The following DLGAP1 variants were observed in gnomAD, a reference collection of about 807,000 sequenced individuals.
DLGAP1 encodes the protein DLG associated protein 1.
Under a neutral mutation model 90.8 loss-of-function variants are expected in DLGAP1, and 11 were observed. The ratio of observed to expected loss-of-function variants is 0.12; its 90% CI spans 0.08 to 0.20. The LOEUF is 0.20. DLGAP1 is among the 10% of genes least tolerant of loss of function. The probability of loss-of-function intolerance (pLI) is 1.00; values close to 1 mark genes in which losing one functional copy is unlikely to be tolerated. For synonymous variants in DLGAP1, 558 were observed against 540.7 expected, an observed-to-expected ratio of 1.03 and a Z score of -0.44; for missense variants, 1,050 against 1,333.8, an observed-to-expected ratio of 0.79 and a Z score of 3.31.
At chr18:3,642,018 C>T (rs2058962859) in intron 7 of DLGAP1, among the ~76,000 whole-genome samples, 1 of 152,144 alleles carries the variant, frequency 6.6e-6, no homozygotes, top group Admixed American at 6.5e-5. Flanking sequence ...CACCTGGGTC[C>T]CCTTCTTAAA....
chr18:4,300,706 T>C (rs1447421072), intron 1 of DLGAP1, among the ~76,000 whole-genome samples: 1 of 152,188 alleles, frequency 6.6e-6, no homozygotes, highest in South Asian at 2.1e-4. Flanking sequence ...TATGTGTACA[T>C]GGTTATACAC....
intron 5 of DLGAP1, among the ~76,000 whole-genome samples, chr18:3,805,239 C>T (rs968939546): frequency 6.6e-5 from 10 of 152,178 alleles, no homozygotes; most frequent in African/African-American, 1.9e-4. Context: ...GTTGAAGTGG[C>T]GTGATGTTAC....
intron 1 of DLGAP1, among the ~76,000 whole-genome samples, chr18:4,242,100 C>T (rs1227453441): frequency 6.6e-6 from 1 of 151,998 alleles, no homozygotes; most frequent in East Asian, 1.9e-4. Context: ...AAAGCAGTTC[C>T]CCTTCATCCT....
intron 1 of DLGAP1, among the ~76,000 whole-genome samples, chr18:4,176,260 AGT>A (rs1172042046): frequency 6.6e-6 from 1 of 152,230 alleles, no homozygotes; most frequent in African/African-American, 2.4e-5. Flanking sequence ...GTAAATGGAC[AGT>A]GACTAATCAT....
chr18:3,839,424 C>T (rs1005918684), intron 4 of DLGAP1, among the ~76,000 whole-genome samples: 1 of 152,092 alleles, frequency 6.6e-6, no homozygotes, highest in Non-Finnish European at 1.5e-5. Flanking sequence ...AAAATCCACA[C>T]GTAGGCATTG....
intron 7 of DLGAP1, among the ~76,000 whole-genome samples, chr18:3,682,810 A>T (rs2060566427): frequency 6.6e-6 from 1 of 151,450 alleles, no homozygotes; most frequent in South Asian, 2.1e-4. Flanking sequence ...ATTTATAAGC[A>T]TTATTTGATT....
intron 5 of DLGAP1, among the ~76,000 whole-genome samples, chr18:3,758,320 G>T (rs2063804558): frequency 6.6e-6 from 1 of 152,110 alleles, no homozygotes; most frequent in South Asian, 2.1e-4. Flanking sequence ...TTGAAAGACT[G>T]AAAAAAGTGA....
chr18:3,554,258 T>C (rs2053630114), intron 9 of DLGAP1, among the ~76,000 whole-genome samples: 1 of 152,182 alleles, frequency 6.6e-6, no homozygotes, highest in South Asian at 2.1e-4. Flanking sequence ...GAGTGCCCCT[T>C]GGGGAGATGT....
At chr18:3,821,921 G>A (rs2067441261) in intron 4 of DLGAP1, 1 of 985,038 alleles carries the variant, frequency 1.0e-6, no homozygotes, top group Admixed American at 6.2e-5. Flanking sequence ...TTTGCAGCTG[G>A]GAGAACTGCT....
At chr18:3,895,932 C>T (rs1296642728) in intron 3 of DLGAP1, 3 of 152,196 alleles carry the variant, frequency 2.0e-5, no homozygotes, top group African/African-American at 7.2e-5. Flanking sequence ...TTGGGTAGAA[C>T]CAGGCTGCTA....
At chr18:4,182,750 T>G (rs2144671709) in intron 1 of DLGAP1, among the ~76,000 whole-genome samples, 1 of 152,288 alleles carries the variant, frequency 6.6e-6, no homozygotes, top group East Asian at 1.9e-4. Flanking sequence ...CACTGGTTAT[T>G]AAATGTTGCC....
intron 3 of DLGAP1, among the ~76,000 whole-genome samples, chr18:3,981,897 T>G (rs4274512): frequency 6.6e-6 from 1 of 152,200 alleles, no homozygotes; most frequent in African/African-American, 2.4e-5. Context: ...CTACAACACA[T>G]ACTTTTCATT....
Position 3,729,166 on chromosome 18 carries a change from G to T in DLGAP1, c.1560C>A (p.Thr520=). Residue 520 remains threonine, a synonymous_variant, in exon 7 of 13, where the codon ACC becomes ACA. Coordinates refer to ENST00000315677, the MANE Select transcript of DLGAP1 (RefSeq NM_004746.4). This position sits in a 1 kb window ranked among gnomAD's most constrained non-coding sequence, Gnocchi z 6.2. ...TGCTCTGGATGGTCCTAACGGTGGT[G>T]GTGGTGCGCGGCGGCGAGGACGACC... The part of the protein sequence containing the change: ...SLRSSSPPRT[T]TTVRTIQSST... The T allele has an allele frequency of 1.2e-6, 2 of 1,613,128 alleles. No individual in the cohort carries two copies. The highest frequency in any genetic ancestry group is 1.1e-5 in the South Asian group (1 of 90,930).
chr18:4,366,524 T>C (rs2144156535), intron 1 of DLGAP1, among the ~76,000 whole-genome samples: 1 of 151,764 alleles, frequency 6.6e-6, no homozygotes, highest in East Asian at 1.9e-4. Context: ...AGGGCCAGAG[T>C]ACATAAACCA....
At chr18:3,789,040 C>T (rs989850206) in intron 5 of DLGAP1, among the ~76,000 whole-genome samples, 3 of 152,212 alleles carry the variant, frequency 2.0e-5, no homozygotes, top group Non-Finnish European at 2.9e-5. Context: ...TTAGCACGTA[C>T]TCTGTGCCAG....
chr18:3,659,929 A>G (rs545360121), intron 7 of DLGAP1, among the ~76,000 whole-genome samples: 1 of 152,098 alleles, frequency 6.6e-6, no homozygotes. Context: ...CATTAGCCAC[A>G]TGGTTTCTTT....
chr18:3,589,915 T>C (rs1310292362), intron 7 of DLGAP1, among the ~76,000 whole-genome samples: 2 of 152,152 alleles, frequency 1.3e-5, no homozygotes, highest in African/African-American at 4.8e-5. Context: ...AGAAGGCCTT[T>C]ATTTCTTTAT....
At chr18:3,710,125 C>T (rs2061555145) in intron 7 of DLGAP1, among the ~76,000 whole-genome samples, 1 of 152,192 alleles carries the variant, frequency 6.6e-6, no homozygotes, top group Non-Finnish European at 1.5e-5. Context: ...TGGATTTATG[C>T]TTCTCTGTGC....
chr18:4,089,974 G>T (rs113358302), intron 2 of DLGAP1, among the ~76,000 whole-genome samples: 1 of 152,172 alleles, frequency 6.6e-6, no homozygotes, highest in Non-Finnish European at 1.5e-5. Flanking sequence ...GAACCCGGGA[G>T]GCGGAGTTTG....
Sources: gnomAD v4.1 joint callset for allele counts (sites outside exome capture counted in the v4.1 genomes callset) on GRCh38, gnomAD v4.1.1 for gene constraint, Gnocchi (gnomAD v3.1) non-coding constraint, MANE v1.5 for transcripts, NCBI Gene and HGNC (gene_info 2026-07-23, HGNC 2026-07-21) for gene names.